The following AUTS2 variants were observed in gnomAD, a reference collection of about 807,000 sequenced individuals.
AUTS2 encodes the protein activator of transcription and developmental regulator AUTS2.
In AUTS2, 17 loss-of-function variants were observed where a neutral mutation model predicts 112.4. The observed-to-expected ratio is 0.15, with a 90% CI of 0.10 to 0.23. The LOEUF (loss-of-function observed/expected upper bound fraction) is 0.23, where lower values mean the gene tolerates loss of function less well. Ranked by LOEUF, AUTS2 falls within the 10% of genes least tolerant of loss-of-function variation. AUTS2 has a pLI of 1.00. For missense variants in AUTS2, 1,510 were observed against 1,701.6 expected (o/e 0.89, Z 1.98); for synonymous variants, 751 against 702.7 (o/e 1.07, Z -1.09).
At chr7:70,491,192 G>T (rs1022499823) in intron 5 of AUTS2, among the ~76,000 whole-genome samples, 1 of 151,908 alleles carries the variant, frequency 6.6e-6, no homozygotes, top group African/African-American at 2.4e-5. Flanking sequence ...TTGTGCAACT[G>T]GCCTTCCTTA....
At chr7:70,685,868 T>C (rs1446331805) in intron 5 of AUTS2, among the ~76,000 whole-genome samples, 4 of 152,182 alleles carry the variant, frequency 2.6e-5, no homozygotes, top group African/African-American at 9.7e-5. Context: ...GAAACACAGA[T>C]GGTCGCATCC....
chr7:70,651,261 A>G (rs1416345173), intron 5 of AUTS2, among the ~76,000 whole-genome samples: 1 of 152,244 alleles, frequency 6.6e-6, no homozygotes, highest in Non-Finnish European at 1.5e-5. Flanking sequence ...AGTAAATGGT[A>G]AAGCTGGACC....
intron 5 of AUTS2, among the ~76,000 whole-genome samples, chr7:70,438,272 C>G (rs1795978085): frequency 6.6e-6 from 1 of 152,142 alleles, no homozygotes; most frequent in Non-Finnish European, 1.5e-5. Flanking sequence ...CCACCTACCA[C>G]TCTGAGCTTG....
chr7:70,521,936 G>A (rs575778062), intron 5 of AUTS2, among the ~76,000 whole-genome samples: 2 of 152,186 alleles, frequency 1.3e-5, no homozygotes, highest in Admixed American at 1.3e-4. Flanking sequence ...CAGCTGATAG[G>A]GCTATTGAGA....
In AUTS2 at chr7:70,064,667, G is replaced by A. The variant is rs1170965418; in HGVS notation, c.523-53465G>A. Among the ~76,000 whole-genome samples the A allele has an allele frequency of 7.2e-5, 11 of 152,282 alleles. No individual in the cohort carries two copies. The South Asian group carries it at 1.7e-3, about 23-fold the overall frequency. ...TAGACATAAAGACTTAAAGGCAAATGTGGTACCTGATGGACCATGGGTAGA... is the reference window on the plus strand; with the variant it reads ...TAGACATAAAGACTTAAAGGCAAATATGGTACCTGATGGACCATGGGTAGA... On this transcript the variant is annotated intron_variant, in intron 2 of 18. Transcript: ENST00000342771.
intron 5 of AUTS2, among the ~76,000 whole-genome samples, chr7:70,473,702 T>G (rs1402201864): frequency 6.6e-6 from 1 of 151,274 alleles, no homozygotes; most frequent in Non-Finnish European, 1.5e-5. Flanking sequence ...TGTTTGTTTT[T>G]TTGGTGGGGC....
intron 6 of AUTS2, among the ~76,000 whole-genome samples, chr7:70,719,732 G>A (rs768477881): frequency 1.1e-4 from 17 of 152,174 alleles, no homozygotes; most frequent in East Asian, 1.9e-4. Flanking sequence ...AAAGTGCTGC[G>A]ATTACAGGCG....
intron 1 of AUTS2, among the ~76,000 whole-genome samples, chr7:69,605,581 T>TG (rs1792675277): frequency 6.6e-6 from 1 of 152,180 alleles, no homozygotes; most frequent in South Asian, 2.1e-4. Context: ...AAAGGTTGGT[T>TG]GGGAAAGGAG....
At chr7:70,693,282 A>G (rs1356950144) in intron 5 of AUTS2, among the ~76,000 whole-genome samples, 6 of 152,200 alleles carry the variant, frequency 3.9e-5, no homozygotes, top group Non-Finnish European at 2.9e-5. Context: ...ACTGTGCTCT[A>G]GGGGATACAG....
intron 5 of AUTS2, among the ~76,000 whole-genome samples, chr7:70,442,676 C>T (rs1443355850): frequency 6.6e-6 from 1 of 152,010 alleles, no homozygotes; most frequent in Non-Finnish European, 1.5e-5. Flanking sequence ...TTAGTAGAGA[C>T]AGGGTTTCAC....
chr7:70,663,130 C>CA (rs1326255616), intron 5 of AUTS2, among the ~76,000 whole-genome samples: 1 of 152,232 alleles, frequency 6.6e-6, no homozygotes, highest in Non-Finnish European at 1.5e-5. Context: ...TGCGATGGCT[C>CA]ACGCCTGTAA....
intron 5 of AUTS2, among the ~76,000 whole-genome samples, chr7:70,655,223 G>A (rs1806708578): frequency 6.6e-6 from 1 of 152,236 alleles, no homozygotes. Context: ...AACCATGACA[G>A]GCCCCTCAGA....
chr7:70,390,261 A>G (rs1793793782), intron 4 of AUTS2, among the ~76,000 whole-genome samples: 2 of 152,226 alleles, frequency 1.3e-5, no homozygotes, highest in Admixed American at 6.5e-5. Flanking sequence ...GCTTATTCAA[A>G]CACATGCAAG....
At chr7:70,378,040 T>C (rs534880461) in intron 4 of AUTS2, among the ~76,000 whole-genome samples, 20 of 152,116 alleles carry the variant, frequency 1.3e-4, no homozygotes, top group African/African-American at 4.1e-4. Flanking sequence ...CCTCCCAAAG[T>C]GCTGGTATTA....
In AUTS2 at chr7:70,771,594, A is replaced by G; in HGVS notation, c.1780A>G (p.Ile594Val). 1 of 1,613,524 alleles carries G rather than the reference A, an allele frequency of 6.2e-7. No homozygotes were observed. The highest frequency in any genetic ancestry group is 8.5e-7 in the Non-Finnish European group (1 of 1,179,702). ...PPAVSGIPPM[I>V]PPTGPFGSLQ... ...TGCAGTGTCGGGCATCCCCCCTATG[A>G]TCCCACCCACTGGCCCTTTTGGTTC... The change falls in exon 11 of 19, where the codon ATC becomes GTC. Residue 594 changes from isoleucine to valine, a missense_variant. Ile to Val is a conservative substitution (Grantham distance 29). Around this residue, in one of 3 missense-constraint regions of AUTS2, gnomAD observed 187 missense variants for 309.7 expected, o/e 0.60. Transcript: ENST00000342771.
chr7:69,713,310 T>A (rs1798422323), intron 1 of AUTS2, among the ~76,000 whole-genome samples: 1 of 152,164 alleles, frequency 6.6e-6, no homozygotes. Context: ...AAATATACAA[T>A]CCAATATCAT....
At chr7:70,085,870 TCTTTG>T (rs1339429373) in intron 2 of AUTS2, among the ~76,000 whole-genome samples, 1 of 152,154 alleles carries the variant, frequency 6.6e-6, no homozygotes, top group Non-Finnish European at 1.5e-5. Context: ...TCACAGCCTG[TCTTTG>T]TATCATCTGT....
chr7:70,319,540 A>C lies in AUTS2; in HGVS notation c.661-116212A>C, dbSNP rs571831733. Among the ~76,000 whole-genome samples the C allele has an allele frequency of 1.3e-4, 20 of 152,342 alleles. No individual in the cohort carries two copies. The East Asian group carries it at 3.3e-3, about 25-fold the overall frequency. ...GAGACAGGGAGCAGTAATGGCAGTC[A>C]GGAAAACCTGTGTATGTTAAAAAGT... On this transcript the variant is annotated intron_variant, in intron 4 of 18. Coordinates refer to ENST00000342771, the MANE Select transcript of AUTS2 (RefSeq NM_015570.4).
At chr7:70,245,338 C>G (rs1441025153) in intron 4 of AUTS2, among the ~76,000 whole-genome samples, 1 of 151,748 alleles carries the variant, frequency 6.6e-6, no homozygotes, top group African/African-American at 2.4e-5. Flanking sequence ...TTTTAACTTA[C>G]AATTAAAGAC....
Sources: allele counts gnomAD v4.1 joint callset (sites outside exome capture counted in the v4.1 genomes callset), GRCh38; gene constraint gnomAD v4.1.1; regional missense constraint gnomAD v4.1.1; transcripts MANE v1.5; gene names NCBI Gene and HGNC (gene_info 2026-07-23, HGNC 2026-07-21).